The following GRXCR1 variants were observed in gnomAD, a reference collection of about 807,000 sequenced individuals.
GRXCR1 encodes the protein glutaredoxin and cysteine rich domain containing 1, also known as glutaredoxin domain-containing cysteine-rich protein 1.
Under a neutral mutation model 27.3 loss-of-function variants are expected in GRXCR1, and 27 were observed. That is an observed-to-expected ratio of 0.99 (90% confidence interval 0.73 to 1.37). The LOEUF (loss-of-function observed/expected upper bound fraction) is 1.37, where lower values mean the gene tolerates loss of function less well. Among genes scored for constraint, GRXCR1 ranks in the 40% most tolerant of loss-of-function variants. The pLI, the probability that GRXCR1 is intolerant of heterozygous loss-of-function variation, is 0.00. For missense variants in GRXCR1, 379 were observed against 354.4 expected, an observed-to-expected ratio of 1.07 and a Z score of -0.56; for synonymous variants, 122 against 131.1, an observed-to-expected ratio of 0.93 and a Z score of 0.47.
chr4:42,970,957 G>A (rs549974022), intron 2 of GRXCR1, among the ~76,000 whole-genome samples: 8 of 152,236 alleles, frequency 5.3e-5, no homozygotes, highest in African/African-American at 1.7e-4. Context: ...ATGACTGTAT[G>A]CTTTCAGAAA....
rs367784906 is a variant in GRXCR1, at chr4:42,893,379, C to T, written c.113C>T (p.Pro38Leu). 1.2e-4 allele frequency: 195 copies of T among 1,613,648 alleles called. 1 individual carries two copies. The highest frequency in any genetic ancestry group is 2.2e-4 in the Admixed American group (13 of 59,958). Reference protein sequence around the residue: ...VLKEVYEDGQPSGSLDSECAS... With the variant: ...VLKEVYEDGQLSGSLDSECAS... ...AAGGAAGTGTATGAAGATGGGCAACCGTCAGGCTCTCTGGATTCTGAATGT... is the reference window on the plus strand; with the variant it reads ...AAGGAAGTGTATGAAGATGGGCAACTGTCAGGCTCTCTGGATTCTGAATGT... The change falls in exon 1 of 4, where the codon CCG becomes CTG. Residue 38 changes from proline (P) to leucine (L), a missense_variant. Pro to Leu is a moderately conservative substitution (Grantham distance 98, BLOSUM62 -3). Transcript: ENST00000399770.
At chr4:42,942,844 A>G (rs1031827318) in intron 1 of GRXCR1, among the ~76,000 whole-genome samples, 3 of 152,134 alleles carry the variant, frequency 2.0e-5, no homozygotes, top group African/African-American at 4.8e-5. Flanking sequence ...TAAAAAATAG[A>G]TAACTATAAT....
At chr4:43,020,451 A>G in intron 3 of GRXCR1, 32 bp downstream of exon 3, 1 of 1,338,230 alleles carries the variant, frequency 7.5e-7, no homozygotes, top group Non-Finnish European at 1.1e-6. Context: ...TAGTTTTAGT[A>G]ATCAAAATAT....
chr4:43,030,336 C>T (rs1713386301), intron 3 of GRXCR1, 25 bp from the exon 4 acceptor site: 3 of 1,610,884 alleles, frequency 1.9e-6, no homozygotes, highest in Non-Finnish European at 2.5e-6. Flanking sequence ...TCTGTTTTCT[C>T]TTGTTCCCCT....
At chr4:42,999,501 A>G (rs1712280335) in intron 2 of GRXCR1, among the ~76,000 whole-genome samples, 1 of 151,042 alleles carries the variant, frequency 6.6e-6, no homozygotes, top group African/African-American at 2.4e-5. Flanking sequence ...TCTTCCATCC[A>G]CTCCCCTTTC....
chr4:42,918,038 A>G (rs188316453), intron 1 of GRXCR1, among the ~76,000 whole-genome samples: 10 of 152,280 alleles, frequency 6.6e-5, no homozygotes, highest in Admixed American at 6.5e-4. Flanking sequence ...TTACAAAAAT[A>G]ATGGAAAGCA....
At chr4:43,016,419 T>C (rs1439231383) in intron 2 of GRXCR1, among the ~76,000 whole-genome samples, 1 of 152,216 alleles carries the variant, frequency 6.6e-6, no homozygotes, top group Non-Finnish European at 1.5e-5. Flanking sequence ...AATGATTGTT[T>C]TGTGGAGACA....
At chr4:42,996,713 T>C (rs990170440) in intron 2 of GRXCR1, among the ~76,000 whole-genome samples, 3 of 152,124 alleles carry the variant, frequency 2.0e-5, no homozygotes, top group South Asian at 2.1e-4. Context: ...TTAATTATCA[T>C]GTTTTGAAGA....
chr4:42,895,760 A>G (rs1746333978), intron 1 of GRXCR1, among the ~76,000 whole-genome samples: 1 of 152,194 alleles, frequency 6.6e-6, no homozygotes, highest in South Asian at 2.1e-4. Context: ...CATCTTAGGC[A>G]TATGTCTTAG....
intron 1 of GRXCR1, among the ~76,000 whole-genome samples, chr4:42,929,738 C>T (rs974544695): frequency 2.6e-5 from 4 of 151,776 alleles, no homozygotes; most frequent in African/African-American, 9.7e-5. Flanking sequence ...CCAAGCTGCC[C>T]CCATCCAATG....
chr4:42,929,639 G>A (rs540967411), intron 1 of GRXCR1, among the ~76,000 whole-genome samples: 1 of 151,754 alleles, frequency 6.6e-6, no homozygotes, highest in Non-Finnish European at 1.5e-5. Flanking sequence ...GGTGGAAGAC[G>A]GAGAAATGCT....
chr4:42,907,276 A>G (rs890688414), intron 1 of GRXCR1, among the ~76,000 whole-genome samples: 1 of 152,150 alleles, frequency 6.6e-6, no homozygotes, highest in Non-Finnish European at 1.5e-5. Context: ...GGGAACATTC[A>G]CTACAGTTCA....
intron 1 of GRXCR1, among the ~76,000 whole-genome samples, chr4:42,925,939 T>C (rs1049583596): frequency 2.0e-5 from 3 of 151,964 alleles, no homozygotes; most frequent in African/African-American, 7.2e-5. Flanking sequence ...GAAGTTCAGA[T>C]AACTCTGGGT....
chr4:42,943,506 C>A (rs987632874), intron 1 of GRXCR1, among the ~76,000 whole-genome samples: 13 of 151,998 alleles, frequency 8.6e-5, no homozygotes, highest in African/African-American at 2.9e-4. Context: ...ATCAGAATTT[C>A]CAGGGCAGAG....
intron 2 of GRXCR1, among the ~76,000 whole-genome samples, chr4:42,999,278 G>A (rs892367112): frequency 2.6e-5 from 4 of 152,198 alleles, no homozygotes; most frequent in Admixed American, 2.6e-4. Flanking sequence ...TACAAAGCAT[G>A]TGTGTATAGA....
At chr4:42,931,048 A>G (rs1035971359) in intron 1 of GRXCR1, among the ~76,000 whole-genome samples, 3 of 151,590 alleles carry the variant, frequency 2.0e-5, no homozygotes, top group Non-Finnish European at 4.4e-5. Context: ...ATTCCTGAGG[A>G]CAAAATAAAG....
At chr4:43,005,786 G>A (rs1271091640) in intron 2 of GRXCR1, among the ~76,000 whole-genome samples, 1 of 152,188 alleles carries the variant, frequency 6.6e-6, no homozygotes, top group Non-Finnish European at 1.5e-5. Flanking sequence ...TTGTCTACTG[G>A]GGAGGCCAAA....
At chr4:43,022,066 C>A (rs928742197) in intron 3 of GRXCR1, among the ~76,000 whole-genome samples, 1 of 152,134 alleles carries the variant, frequency 6.6e-6, no homozygotes, top group African/African-American at 2.4e-5. Flanking sequence ...TCTTTCTGTT[C>A]TCATATACTA....
intron 2 of GRXCR1, among the ~76,000 whole-genome samples, chr4:43,003,293 T>G (rs1712439767): frequency 6.6e-6 from 1 of 151,896 alleles, no homozygotes. Flanking sequence ...CCCTAAAACT[T>G]AAAGTATAAT....
Sources: gnomAD v4.1 joint callset for allele counts (sites outside exome capture counted in the v4.1 genomes callset) on GRCh38, gnomAD v4.1.1 for gene constraint, MANE v1.5 for transcripts, NCBI Gene and HGNC (gene_info 2026-07-23, HGNC 2026-07-21) for gene names.